Variants in JARID2 observed in about 807,000 individuals in gnomAD.
JARID2 encodes the protein jumonji and AT-rich interaction domain containing 2.
JARID2 carries 21 observed loss-of-function variants against 125.6 expected under a neutral mutation model. That is an observed-to-expected ratio of 0.17 (90% CI 0.12 to 0.24). The LOEUF (loss-of-function observed/expected upper bound fraction) is 0.24. Among genes scored for constraint, JARID2 ranks in the 10% least tolerant of loss-of-function variants. The pLI, the probability that JARID2 is intolerant of heterozygous loss-of-function variation, is 1.00. For missense variants in JARID2, 1,303 were observed against 1,639.6 expected (o/e 0.79, Z 3.55); for synonymous variants, 736 against 661.6 (o/e 1.11, Z -1.73).
At chr6:15,251,356 A>G (rs571033466) in intron 1 of JARID2, among the ~76,000 whole-genome samples, 1 of 152,314 alleles carries the variant, frequency 6.6e-6, no homozygotes, top group African/African-American at 2.4e-5. Context: ...CTTGCTCATG[A>G]TGGTGTGAGG....
chr6:15,308,191 G>A (rs2127422476), intron 1 of JARID2, among the ~76,000 whole-genome samples: 1 of 152,196 alleles, frequency 6.6e-6, no homozygotes, highest in South Asian at 2.1e-4. Flanking sequence ...TAATTCCTTT[G>A]TGCTGGTTTG....
At chr6:15,286,731 A>G (rs1461409375) in intron 1 of JARID2, among the ~76,000 whole-genome samples, 5 of 151,742 alleles carry the variant, frequency 3.3e-5, no homozygotes, top group Non-Finnish European at 7.4e-5. Context: ...GTGTGGTGGC[A>G]GGCGCCTGTA....
At chr6:15,250,667 C>T (rs1759410892) in intron 1 of JARID2, among the ~76,000 whole-genome samples, 1 of 152,160 alleles carries the variant, frequency 6.6e-6, no homozygotes, top group African/African-American at 2.4e-5. Flanking sequence ...TAGGCTAATA[C>T]CTAACTTGTG....
intron 12 of JARID2, among the ~76,000 whole-genome samples, chr6:15,509,641 G>C (rs115571860): frequency 2.0e-5 from 3 of 152,366 alleles, no homozygotes; most frequent in African/African-American, 7.2e-5. Flanking sequence ...ATTCCGAGAG[G>C]TGCCTTTGCC....
chr6:15,433,982 A>G (rs982910851), intron 3 of JARID2, among the ~76,000 whole-genome samples: 1 of 142,386 alleles, frequency 7.0e-6, no homozygotes, highest in South Asian at 2.3e-4. Flanking sequence ...CAGGAGTAGA[A>G]TAGGGTTGAG....
intron 1 of JARID2, among the ~76,000 whole-genome samples, chr6:15,351,551 T>C (rs1216982761): frequency 6.6e-6 from 1 of 152,086 alleles, no homozygotes; most frequent in Non-Finnish European, 1.5e-5. Context: ...GGGTGGCAAA[T>C]GTTGGTGCAT....
At chr6:15,265,899 G>A (rs1003779890) in intron 1 of JARID2, among the ~76,000 whole-genome samples, 1 of 152,118 alleles carries the variant, frequency 6.6e-6, no homozygotes, top group African/African-American at 2.4e-5. Context: ...GGAAACTGGA[G>A]GGCATGGGCG....
intron 17 of JARID2, among the ~76,000 whole-genome samples, chr6:15,519,663 G>A (rs528238751): frequency 6.6e-6 from 1 of 152,310 alleles, no homozygotes; most frequent in South Asian, 2.1e-4. Flanking sequence ...GCATTTACTT[G>A]CATGGCCAGG....
chr6:15,514,060 C>T (rs954151541), intron 16 of JARID2, among the ~76,000 whole-genome samples: 1 of 152,234 alleles, frequency 6.6e-6, no homozygotes, highest in Non-Finnish European at 1.5e-5. Flanking sequence ...TTCCTCGTGC[C>T]CACCTGCCTG....
chr6:15,274,617 G>A (rs1236515989), intron 1 of JARID2, among the ~76,000 whole-genome samples: 1 of 152,188 alleles, frequency 6.6e-6, no homozygotes, highest in Non-Finnish European at 1.5e-5. Context: ...AGCCCAGGAG[G>A]TGAGTGGGAG....
chr6:15,363,726 A>G (rs1321327604), intron 1 of JARID2, among the ~76,000 whole-genome samples: 5 of 152,146 alleles, frequency 3.3e-5, no homozygotes, highest in Non-Finnish European at 7.3e-5. Context: ...TGTACAGGAA[A>G]TGTGTGTGCC....
At chr6:15,508,537 G>T in intron 12 of JARID2, 83 bp downstream of exon 12, 1 of 788,254 alleles carries the variant, frequency 1.3e-6, no homozygotes, top group Non-Finnish European at 2.3e-6. Context: ...GTAACTTCTT[G>T]TCCAGGTGGT....
At chr6:15,511,781 T>A (rs1223851514) in intron 13 of JARID2, among the ~76,000 whole-genome samples, 1 of 152,166 alleles carries the variant, frequency 6.6e-6, no homozygotes, top group Non-Finnish European at 1.5e-5. Flanking sequence ...TGAGCTGAGT[T>A]CTGACCAGCT....
At chr6:15,504,668 C>T in intron 9 of JARID2, 76 bp downstream of exon 9, 1 of 906,968 alleles carries the variant, frequency 1.1e-6, no homozygotes, top group Non-Finnish European at 1.8e-6. Flanking sequence ...TCCTGTCCTG[C>T]CCTGACCCCT....
rs865899226 is a variant in JARID2 at position 15,374,070 on chromosome 6, C to G, written c.46-47C>G. The G allele has an allele frequency of 5.6e-6, 9 of 1,596,228 alleles. No individual in the cohort carries two copies. The Middle Eastern group carries it at 1.5e-3, about 267-fold the overall frequency. The stretch of plus-strand genomic sequence containing the variant: ...AAGTTTATTTTGACTCTGAATATTG[C>G]CTTGCTTTCTATTCAGTAACTCCTC... On this transcript the variant is annotated intron_variant, in intron 1 of 17. Transcript: ENST00000341776.
chr6:15,403,187 G>C (rs1189700238), intron 2 of JARID2, among the ~76,000 whole-genome samples: 2 of 152,164 alleles, frequency 1.3e-5, no homozygotes, highest in Non-Finnish European at 2.9e-5. Context: ...AGTTTAAATA[G>C]CTTCTGGTCT....
chr6:15,279,075 A>C (rs1253596649), intron 1 of JARID2, among the ~76,000 whole-genome samples: 1 of 145,568 alleles, frequency 6.9e-6, no homozygotes, highest in Non-Finnish European at 1.5e-5. Context: ...TGGGAGGCAG[A>C]ATGAAACTGT....
chr6:15,477,629 G>C (rs542897749), intron 5 of JARID2, among the ~76,000 whole-genome samples: 1 of 151,716 alleles, frequency 6.6e-6, no homozygotes, highest in African/African-American at 2.4e-5. Flanking sequence ...TGGGTAGGAT[G>C]GTTCAGAGCA....
At chr6:15,315,931 T>C (rs1762164937) in intron 1 of JARID2, among the ~76,000 whole-genome samples, 1 of 152,156 alleles carries the variant, frequency 6.6e-6, no homozygotes, top group Non-Finnish European at 1.5e-5. Context: ...AAATTCTTTG[T>C]CTTCAGATTG....
Sources: gnomAD v4.1 joint callset for allele counts (sites outside exome capture counted in the v4.1 genomes callset) on GRCh38, gnomAD v4.1.1 for gene constraint, MANE v1.5 for transcripts, NCBI Gene and HGNC (gene_info 2026-07-23, HGNC 2026-07-21) for gene names.